TBC1D19: variants seen among roughly 807,000 people sequenced by gnomAD.
The protein encoded by TBC1D19 is TBC1 domain family member 19.
TBC1D19 carries 60 observed loss-of-function variants against 89.0 expected under a neutral mutation model. The observed-to-expected ratio is 0.67, with a 90% CI of 0.55 to 0.84. The LOEUF is 0.84. TBC1D19 is among the 40% of genes least tolerant of loss of function. The pLI is 0.00. For missense variants in TBC1D19, 500 were observed against 610.8 expected (o/e 0.82, Z 1.91); for synonymous variants, 189 against 199.7 (o/e 0.95, Z 0.45).
At chr4:26,616,833 A>T (rs897425730) in intron 3 of TBC1D19, among the ~76,000 whole-genome samples, 6 of 152,338 alleles carry the variant, frequency 3.9e-5, no homozygotes, top group Admixed American at 3.9e-4. Flanking sequence ...TTTTCCATTC[A>T]TTTAAAACAA....
chr4:26,653,196 C>T (rs1744530834), intron 7 of TBC1D19, among the ~76,000 whole-genome samples: 2 of 152,184 alleles, frequency 1.3e-5, no homozygotes, highest in Admixed American at 6.5e-5. Context: ...GTTTCTTAAT[C>T]CTGACTTCTA....
intron 1 of TBC1D19, among the ~76,000 whole-genome samples, chr4:26,598,474 A>G (rs1354298533): frequency 6.6e-6 from 1 of 152,086 alleles, no homozygotes; most frequent in African/African-American, 2.4e-5. Context: ...GGCTCACTGC[A>G]AGCTCCGCCT....
At chr4:26,769,639 C>T in the TBC1D19 span, among the ~76,000 whole-genome samples, 1 of 151,730 alleles carries the variant, frequency 6.6e-6, no homozygotes, top group African/African-American at 2.4e-5. Flanking sequence ...ACCTCCTGAA[C>T]TCAAGCAATC....
At chr4:26,661,333 T>G (rs928482336) in intron 8 of TBC1D19, among the ~76,000 whole-genome samples, 1 of 152,132 alleles carries the variant, frequency 6.6e-6, no homozygotes, top group Non-Finnish European at 1.5e-5. Context: ...CCCTCCACCT[T>G]CTTTTTCCTT....
intron 18 of TBC1D19, among the ~76,000 whole-genome samples, chr4:26,745,751 A>G (rs1718616492): frequency 6.6e-6 from 1 of 151,868 alleles, no homozygotes; most frequent in African/African-American, 2.4e-5. Context: ...ACCTCAGGCA[A>G]TCTGCCTGCC....
the TBC1D19 span, among the ~76,000 whole-genome samples, chr4:26,793,033 C>G: frequency 6.6e-6 from 1 of 152,088 alleles, no homozygotes; most frequent in South Asian, 2.1e-4. Flanking sequence ...TTACTTTTTC[C>G]CCCCTGATAT....
At chr4:26,717,535 C>T (rs571288333) in intron 13 of TBC1D19, among the ~76,000 whole-genome samples, 21 of 152,198 alleles carry the variant, frequency 1.4e-4, no homozygotes, top group Admixed American at 3.9e-4. Flanking sequence ...TGCCTAACTG[C>T]GTGATGCATC....
At chr4:26,630,769 C>T (rs895642170) in intron 4 of TBC1D19, among the ~76,000 whole-genome samples, 5 of 151,866 alleles carry the variant, frequency 3.3e-5, no homozygotes, top group Admixed American at 2.0e-4. Context: ...ATCATCTGCT[C>T]CTTACTACAT....
the TBC1D19 span, among the ~76,000 whole-genome samples, chr4:26,809,782 G>A: frequency 6.6e-6 from 1 of 152,122 alleles, no homozygotes; most frequent in Non-Finnish European, 1.5e-5. Flanking sequence ...TGCTTCCCCT[G>A]CCCAAGCCTC....
the TBC1D19 span, among the ~76,000 whole-genome samples, chr4:26,809,270 A>G: frequency 6.6e-6 from 1 of 152,168 alleles, no homozygotes. Context: ...CGCTTCTCTC[A>G]GGACAGACCA....
At chr4:26,735,075 CATGTATATATGTATACACATGTATAT>C (rs1388214349) in intron 15 of TBC1D19, among the ~76,000 whole-genome samples, 21 of 150,078 alleles carry the variant, frequency 1.4e-4, no homozygotes, top group East Asian at 2.0e-4. Flanking sequence ...TATGTATACA[CATGTATATATGTATACACATGTATAT>C]ATGTATATAT....
At chr4:26,668,279 G>A in intron 9 of TBC1D19, among the ~76,000 whole-genome samples, 1 of 152,008 alleles carries the variant, frequency 6.6e-6, no homozygotes, top group South Asian at 2.1e-4. Context: ...TTTTACTTTT[G>A]AAATAATCTT....
At chr4:26,835,553 C>T in the TBC1D19 span, among the ~76,000 whole-genome samples, 5 of 152,206 alleles carry the variant, frequency 3.3e-5, no homozygotes, top group Non-Finnish European at 5.9e-5. Flanking sequence ...AAGGCAGAAT[C>T]GTAGGAGCCA....
Position 26,753,492 on chromosome 4 carries a change from A to C in TBC1D19, c.1436-328A>C, listed in dbSNP as rs546492296. The stretch of plus-strand genomic sequence containing the variant: ...CAAAAAACAAAAACAAAAACAAAAA[A>C]AACTCATTAGATCTTCATGCCATTT... On this transcript the variant is annotated intron_variant, in intron 19 of 20. Coordinates refer to ENST00000264866, the MANE Select transcript of TBC1D19 (RefSeq NM_018317.4). Among the ~76,000 whole-genome samples, 107 of 152,298 alleles carry C rather than the reference A, an allele frequency of 7.0e-4. 1 individual carries two copies. The highest frequency in any genetic ancestry group is 2.4e-3 in the African/African-American group (100 of 41,578).
At chr4:26,654,307 T>C (rs141668553) in intron 7 of TBC1D19, among the ~76,000 whole-genome samples, 1,594 of 152,304 alleles carry the variant, frequency 0.01, 11 homozygotes, top group Middle Eastern at 0.027. Context: ...GCCCTTAACA[T>C]ATTTTCCTTC....
the TBC1D19 span, among the ~76,000 whole-genome samples, chr4:26,801,398 G>T: frequency 1.9e-3 from 296 of 152,214 alleles, no homozygotes; most frequent in African/African-American, 6.6e-3. Flanking sequence ...CCATGCTGTT[G>T]TGGTTACTGT....
At chr4:26,853,241 C>A in the TBC1D19 span, among the ~76,000 whole-genome samples, 2 of 152,250 alleles carry the variant, frequency 1.3e-5, no homozygotes, top group Non-Finnish European at 2.9e-5. Flanking sequence ...CCACATACAT[C>A]CTTTCCCCAA....
chr4:26,689,233 C>A (rs1714074525), intron 13 of TBC1D19, among the ~76,000 whole-genome samples: 1 of 151,644 alleles, frequency 6.6e-6, no homozygotes, highest in Non-Finnish European at 1.5e-5. Flanking sequence ...TTAAATAACC[C>A]CAGAAACAAT....
At chr4:26,726,550 A>C (rs1717333151) in intron 15 of TBC1D19, among the ~76,000 whole-genome samples, 1 of 152,246 alleles carries the variant, frequency 6.6e-6, no homozygotes, top group Admixed American at 6.5e-5. Context: ...GAAATAGAGT[A>C]ACAAAACCAT....
Sources: allele counts gnomAD v4.1 joint callset (sites outside exome capture counted in the v4.1 genomes callset), GRCh38; gene constraint gnomAD v4.1.1; transcripts MANE v1.5; gene names NCBI Gene and HGNC (gene_info 2026-07-23, HGNC 2026-07-21).